ZBTB45: variants seen among roughly 807,000 people sequenced by gnomAD.
ZBTB45 encodes the protein zinc finger and BTB domain-containing protein 45.
ZBTB45 carries 22 observed loss-of-function variants against 28.4 expected under a neutral mutation model. The ratio of observed to expected loss-of-function variants is 0.77; its 90% CI spans 0.55 to 1.10. The LOEUF (loss-of-function observed/expected upper bound fraction) is 1.10, where lower values mean the gene tolerates loss of function less well. ZBTB45 is among the 50% of genes least tolerant of loss of function. The pLI, the probability that ZBTB45 is intolerant of heterozygous loss-of-function variation, is 0.00. For missense variants in ZBTB45, 656 were observed against 750.2 expected (o/e 0.87, Z 1.47); for synonymous variants, 361 against 332.3 (o/e 1.09, Z -0.94).
rs772831544 is a variant in ZBTB45 at position 58,516,873 on chromosome 19, A to G, written c.801T>C (p.Gly267=). The change falls in exon 2 of 3, where the codon GGT becomes GGC. Residue 267 remains glycine, a synonymous_variant. Transcript: ENST00000594051. The surrounding 1 kb of genome is among the most constrained non-coding windows in gnomAD (Gnocchi z 6.2). ...PAPTGLADYS[G]AGRDFLRGAG... The stretch of plus-strand genomic sequence containing the variant: ...CTCCCCGAAGAAAATCTCTCCCGGC[A>G]CCACTGTAGTCAGCGAGGCCAGTGG... The G allele has an allele frequency of 1.2e-6, 2 of 1,613,334 alleles. No individual in the cohort carries two copies. Among genetic ancestry groups the G allele is most frequent in the Non-Finnish European group, 1.7e-6 (2 of 1,179,996 alleles).
At chr19:58,538,190 C>A (rs2053670934) in intron 1 of ZBTB45, among the ~76,000 whole-genome samples, 1 of 151,938 alleles carries the variant, frequency 6.6e-6, no homozygotes, top group Non-Finnish European at 1.5e-5. Context: ...ACTGCCAGCA[C>A]CAACTTTTTT....
At chr19:58,529,979 G>T (rs564945847) in intron 1 of ZBTB45, among the ~76,000 whole-genome samples, 1 of 152,288 alleles carries the variant, frequency 6.6e-6, no homozygotes, top group Admixed American at 6.5e-5. Context: ...AAGGCAGGTG[G>T]ATCACTTGAG....
At chr19:58,528,181 G>A (rs1388020105) in intron 1 of ZBTB45, among the ~76,000 whole-genome samples, 1 of 152,196 alleles carries the variant, frequency 6.6e-6, no homozygotes, top group East Asian at 1.9e-4. Flanking sequence ...CCCTGAAGAT[G>A]GAGGGAGAGA....
At position 58,515,325 on chromosome 19, in the gene ZBTB45, T is replaced by TA. The variant is rs35390254; in HGVS notation, c.1280-1016dup. On this transcript the variant is annotated intron_variant, in intron 2 of 2. Coordinates refer to ENST00000594051, the MANE Select transcript of ZBTB45 (RefSeq NM_001316979.2). This position sits in a 1 kb window ranked among gnomAD's most constrained non-coding sequence, Gnocchi z 4.7. ...AGGGAGACTCGGTCTCAAAAAAAAT[T>TA]AAAAAAAAAAAAACCCTATCTCAGT... 0.5 allele frequency among the ~76,000 whole-genome samples: 71,674 copies of TA among 144,096 alleles called. 18,815 individuals carry two copies. Among genetic ancestry groups the TA allele is most frequent in the Middle Eastern group, 0.71 (199 of 282 alleles). 94.5% of individuals were successfully genotyped at this position (144,096 alleles called of 152,430 possible).
chr19:58,536,033 A>G (rs1245877714), intron 1 of ZBTB45, among the ~76,000 whole-genome samples: 1 of 152,176 alleles, frequency 6.6e-6, no homozygotes, highest in Non-Finnish European at 1.5e-5. Context: ...TGATAAGGTC[A>G]GAAGTCAGAG....
intron 1 of ZBTB45, chr19:58,518,880 C>G (rs1335568305): frequency 6.6e-6 from 1 of 152,210 alleles, no homozygotes; most frequent in Non-Finnish European, 1.5e-5. Flanking sequence ...TTGATGCTGC[C>G]CCTACACCCT....
intron 1 of ZBTB45, among the ~76,000 whole-genome samples, chr19:58,518,210 T>TC (rs1568645082): frequency 6.6e-6 from 1 of 151,998 alleles, no homozygotes; most frequent in South Asian, 2.1e-4. Context: ...TTTAGCCACA[T>TC]CCCCCCAGTA....
At chr19:58,519,827 G>A (rs2053562887), upstream of ZBTB45, 1 of 152,424 alleles carries the variant, frequency 6.6e-6, no homozygotes, top group South Asian at 2.1e-4. Flanking sequence ...CCGTTACCCC[G>A]GCGGAACGGA....
chr19:58,531,283 G>A (rs545360518), intron 1 of ZBTB45, among the ~76,000 whole-genome samples: 38 of 152,212 alleles, frequency 2.5e-4, no homozygotes, highest in African/African-American at 5.8e-4. Context: ...TTTGAACCTC[G>A]TCTCCTTCTC....
At chr19:58,537,600 G>A (rs2053667246) in intron 1 of ZBTB45, among the ~76,000 whole-genome samples, 1 of 152,146 alleles carries the variant, frequency 6.6e-6, no homozygotes, top group African/African-American at 2.4e-5. Context: ...TATTGCCTCA[G>A]GGACCTTGGA....
At chr19:58,525,947 G>C (rs1311886069) in intron 1 of ZBTB45, among the ~76,000 whole-genome samples, 3 of 152,170 alleles carry the variant, frequency 2.0e-5, no homozygotes, top group Admixed American at 6.5e-5. Flanking sequence ...AAACCCAAAG[G>C]CTGGGCGCGG....
chr19:58,517,198 G>A lies in ZBTB45; in HGVS notation c.476C>T (p.Ala159Val). Reference sequence around the variant, plus strand: ...AGCACCGGGGTGCCCCGGGGGACGTGCAGCCAGCAGGTGGCGCAGGCGGTG... The same window carrying A: ...AGCACCGGGGTGCCCCGGGGGACGTACAGCCAGCAGGTGGCGCAGGCGGTG... ...LRHRLRHLLA[A>V]RPPGHPGAAH... The change falls in exon 2 of 3, where the codon GCA becomes GTA. Residue 159 changes from alanine (A) to valine (V), a missense_variant. Physicochemically the swap from Ala to Val is moderately conservative, Grantham distance 64. This residue lies in a region of ZBTB45 where 448 missense variants were observed against 444.3 expected (regional missense o/e 1.01). Transcript: ENST00000594051. The A allele has an allele frequency of 6.2e-7, 1 of 1,605,002 alleles. No individual in the cohort carries two copies. Among genetic ancestry groups the A allele is most frequent in the Non-Finnish European group, 8.5e-7 (1 of 1,176,302 alleles).
chr19:58,518,102 C>G (rs960152199), intron 1 of ZBTB45, among the ~76,000 whole-genome samples: 5 of 151,694 alleles, frequency 3.3e-5, no homozygotes, highest in Non-Finnish European at 5.9e-5. Context: ...GACCCCCATC[C>G]CAACTGGCTA....
chr19:58,517,823 A>G, intron 1 of ZBTB45, 150 bp from the exon 2 acceptor site: 2 of 691,676 alleles, frequency 2.9e-6, no homozygotes, highest in Middle Eastern at 3.0e-4. Flanking sequence ...GCTGCCCTTC[A>G]CAGTCCCCAT....
rs148861909 is a variant in ZBTB45, at chr19:58,517,766, G to A, written c.1-93C>T. 474 of 1,237,536 alleles carry A rather than the reference G, an allele frequency of 3.8e-4. 2 individuals carry two copies. In the East Asian group the frequency reaches 5.4e-3, roughly 14 times the overall value. 76.7% of individuals were successfully genotyped at this position (1,237,536 alleles called of 1,614,324 possible). A position where few individuals can be genotyped will look rare whatever the true frequency, so the allele number is the denominator to read the frequency against. On this transcript the variant is annotated intron_variant, in intron 1 of 2. Transcript: ENST00000594051. Reference sequence around the variant, plus strand: ...CCCCTCACCCCTTGTTGCAGGACAGGGCTCGAGTGCACCACACTCCAAGGC... The same window carrying A: ...CCCCTCACCCCTTGTTGCAGGACAGAGCTCGAGTGCACCACACTCCAAGGC...
chr19:58,515,835 A>G lies in ZBTB45; in HGVS notation c.1279+560T>C, dbSNP rs953299798. Among the ~76,000 whole-genome samples the G allele has an allele frequency of 2.0e-5, 3 of 151,986 alleles. No homozygotes were observed. The highest frequency in any genetic ancestry group is 4.4e-5 in the Non-Finnish European group (3 of 67,986). Reference sequence around the variant, plus strand: ...CCTGACACGGCCAAGGTCCGAGGGAACCTCCCCACAGCTTTTCGGGGTCCT... The same window carrying G: ...CCTGACACGGCCAAGGTCCGAGGGAGCCTCCCCACAGCTTTTCGGGGTCCT... On this transcript the variant is annotated intron_variant, in intron 2 of 2. Transcript: ENST00000594051. This position sits in a 1 kb window ranked among gnomAD's most constrained non-coding sequence, Gnocchi z 4.7.
intron 1 of ZBTB45, among the ~76,000 whole-genome samples, chr19:58,537,192 G>A (rs974851215): frequency 2.6e-5 from 4 of 152,048 alleles, no homozygotes; most frequent in Admixed American, 2.0e-4. Context: ...TCCCTTCCCC[G>A]ACTGGTGTCC....
chr19:58,513,964 A>G lies in ZBTB45; in HGVS notation c.*90T>C, dbSNP rs1423913558. 13 of 1,324,472 alleles carry G rather than the reference A, an allele frequency of 9.8e-6. No homozygotes were observed. The South Asian group carries it at 2.4e-4, about 25-fold the overall frequency. The allele number at this position is 1,324,472 out of a possible 1,614,324, so 82.0% of individuals were successfully genotyped here. On this transcript the variant is annotated 3_prime_UTR_variant, in exon 3 of 3. Coordinates refer to ENST00000594051, the MANE Select transcript of ZBTB45 (RefSeq NM_001316979.2). ...CTGCGCTCAGGAGGGAGCGTGGTCTAGTGGCGGGAACCACGGGTCCCGCAG... is the reference window on the plus strand; with the variant it reads ...CTGCGCTCAGGAGGGAGCGTGGTCTGGTGGCGGGAACCACGGGTCCCGCAG...
upstream of ZBTB45, among the ~76,000 whole-genome samples, chr19:58,521,715 C>T (rs1163006608): frequency 6.6e-6 from 1 of 152,234 alleles, no homozygotes; most frequent in Non-Finnish European, 1.5e-5. Context: ...TGTTTCCCAT[C>T]TGATGAACGC....
Sources: allele counts gnomAD v4.1 joint callset (sites outside exome capture counted in the v4.1 genomes callset), GRCh38; gene constraint gnomAD v4.1.1; regional missense constraint gnomAD v4.1.1; non-coding constraint Gnocchi (gnomAD v3.1); transcripts MANE v1.5; gene names NCBI Gene and HGNC (gene_info 2026-07-23, HGNC 2026-07-21).